ENKUR: variants seen among roughly 807,000 people sequenced by gnomAD.
The protein encoded by ENKUR is enkurin.
ENKUR carries 19 observed loss-of-function variants against 27.6 expected under a neutral mutation model. The observed-to-expected ratio is 0.69, with a 90% CI of 0.48 to 1.01. ENKUR has a LOEUF of 1.01. Ranked by LOEUF, ENKUR falls within the 50% of genes least tolerant of loss-of-function variation. ENKUR has a pLI of 0.00. For synonymous variants in ENKUR, 117 were observed against 96.9 expected, an observed-to-expected ratio of 1.21 and a Z score of -1.22; for missense variants, 312 against 310.5, an observed-to-expected ratio of 1.00 and a Z score of -0.04.
chr10:25,016,928 G>A (rs1322479067), upstream of ENKUR: 1 of 152,434 alleles, frequency 6.6e-6, no homozygotes, highest in African/African-American at 2.4e-5. Flanking sequence ...GCTGCTTCTG[G>A]TCGAGGCTCC....
At chr10:24,993,772 T>C (rs767112209) in intron 3 of ENKUR, among the ~76,000 whole-genome samples, 7 of 152,234 alleles carry the variant, frequency 4.6e-5, no homozygotes, top group Non-Finnish European at 1.0e-4. Flanking sequence ...TCTGTTTCCA[T>C]GATGGATACT....
chr10:24,995,961 A>G (rs1201290965), intron 2 of ENKUR, 92 bp from the exon 3 acceptor site: 2 of 1,020,266 alleles, frequency 2.0e-6, no homozygotes, highest in Non-Finnish European at 2.8e-6. Context: ...CCACTTGTAT[A>G]TTGAAGTTGC....
At chr10:25,034,175 G>A (rs1228081110) in intron 2 of ENKUR, among the ~76,000 whole-genome samples, 1 of 151,806 alleles carries the variant, frequency 6.6e-6, no homozygotes, top group African/African-American at 2.4e-5. Context: ...TTGTAATTTT[G>A]TGTTACAGAT....
chr10:25,060,207 C>T (rs1851310944), intron 2 of ENKUR, among the ~76,000 whole-genome samples: 1 of 152,060 alleles, frequency 6.6e-6, no homozygotes, highest in South Asian at 2.1e-4. Context: ...GAAGAAAACC[C>T]GAGGGTGACT....
chr10:25,050,617 T>A (rs1400452012), intron 2 of ENKUR, among the ~76,000 whole-genome samples: 1 of 152,070 alleles, frequency 6.6e-6, no homozygotes, highest in Non-Finnish European at 1.5e-5. Context: ...CATTTGAGAT[T>A]TGGGTGGGGA....
chr10:24,996,064 T>G (rs2132687524), intron 2 of ENKUR, among the ~76,000 whole-genome samples, 195 bp from the exon 3 acceptor site: 1 of 152,198 alleles, frequency 6.6e-6, no homozygotes, highest in South Asian at 2.1e-4. Flanking sequence ...GCTTTTTACC[T>G]GTCAATCAGG....
chr10:25,056,913 T>C (rs925231768), intron 2 of ENKUR, among the ~76,000 whole-genome samples: 4 of 152,180 alleles, frequency 2.6e-5, no homozygotes, highest in Admixed American at 1.3e-4. Context: ...ATTATGGAAG[T>C]GATCCAGGTA....
chr10:25,022,666 AAT>A (rs1850748247), intron 2 of ENKUR, among the ~76,000 whole-genome samples: 1 of 152,180 alleles, frequency 6.6e-6, no homozygotes, highest in Non-Finnish European at 1.5e-5. Flanking sequence ...ATTTATGAGT[AAT>A]ATAGTCTGTC....
In ENKUR at chr10:24,984,898, T is replaced by A. The variant is rs1011336892; in HGVS notation, c.602A>T (p.Lys201Ile). Residue 201 changes from lysine (K) to isoleucine (I), a missense_variant, in exon 5 of 6, where the codon AAA becomes ATA. Coordinates refer to ENST00000331161, the MANE Select transcript of ENKUR (RefSeq NM_145010.4). ...TTTATGCACCTCTTCCCAGTTCTTT[T>A]TCAGCCCCTGCAAATGGTCAAGAAA... ...EEREAVLQGL[K>I]KNWEEVHKEF... The A allele has an allele frequency of 1.2e-5, 19 of 1,611,750 alleles. No homozygotes were observed. The highest frequency in any genetic ancestry group is 1.6e-5 in the Non-Finnish European group (19 of 1,179,334).
chr10:24,995,520 G>A (rs923757760), intron 3 of ENKUR, 126 bp downstream of exon 3: 1 of 852,924 alleles, frequency 1.2e-6, no homozygotes, highest in Non-Finnish European at 1.8e-6. Flanking sequence ...GCAGAAGAAT[G>A]AGAATCAGCA....
intron 3 of ENKUR, among the ~76,000 whole-genome samples, chr10:24,991,654 T>A (rs564327096): frequency 2.6e-5 from 4 of 152,156 alleles, no homozygotes; most frequent in Non-Finnish European, 5.9e-5. Flanking sequence ...GGCTCTCCCA[T>A]CTGCTGAAGC....
At chr10:24,988,138 C>G (rs1849819676) in intron 4 of ENKUR, among the ~76,000 whole-genome samples, 1 of 150,986 alleles carries the variant, frequency 6.6e-6, no homozygotes, top group Admixed American at 6.6e-5. Context: ...GCATGAGAAT[C>G]ATTTGAACTT....
chr10:25,018,719 G>T (rs1435852379), upstream of ENKUR, among the ~76,000 whole-genome samples: 1 of 150,218 alleles, frequency 6.7e-6, no homozygotes, highest in Non-Finnish European at 1.5e-5. Context: ...AATAAAATGG[G>T]TGTAGATGAG....
At chr10:25,027,357 CAAAAAAAAAAAAAAAA>C (rs71399946) in intron 2 of ENKUR, among the ~76,000 whole-genome samples, 10 of 48,472 alleles carry the variant, frequency 2.1e-4, no homozygotes, top group Non-Finnish European at 3.5e-4. Flanking sequence ...ACTCCCGTCT[CAAAAAAAAAAAAAAAA>C]AAAAAAAAAA....
intron 2 of ENKUR, among the ~76,000 whole-genome samples, chr10:25,047,460 G>A (rs528348021): frequency 7.9e-5 from 12 of 152,270 alleles, no homozygotes; most frequent in Non-Finnish European, 1.6e-4. Flanking sequence ...GAGCTAACAA[G>A]TAAAGTGGAA....
At chr10:25,038,375 C>T (rs181704602) in intron 2 of ENKUR, among the ~76,000 whole-genome samples, 365 of 152,352 alleles carry the variant, frequency 2.4e-3, no homozygotes, top group Non-Finnish European at 4.1e-3. Context: ...CGTATCTCCA[C>T]TTATGATAAT....
At chr10:25,005,108 A>G (rs1850281821) in intron 1 of ENKUR, among the ~76,000 whole-genome samples, 1 of 151,950 alleles carries the variant, frequency 6.6e-6, no homozygotes, top group African/African-American at 2.4e-5. Context: ...ATTCTGTTCT[A>G]TTGATCTCTG....
At chr10:25,006,291 T>C (rs1850311566) in intron 1 of ENKUR, among the ~76,000 whole-genome samples, 1 of 152,206 alleles carries the variant, frequency 6.6e-6, no homozygotes, top group Admixed American at 6.5e-5. Context: ...AGATTTAATG[T>C]AGAAGTGCGG....
chr10:25,017,669 C>T (rs1850634832), upstream of ENKUR, among the ~76,000 whole-genome samples: 1 of 149,896 alleles, frequency 6.7e-6, no homozygotes, highest in Non-Finnish European at 1.5e-5. Flanking sequence ...GTCCCAGACG[C>T]TTAGGGAAAA....
Sources: allele counts gnomAD v4.1 joint callset (sites outside exome capture counted in the v4.1 genomes callset), GRCh38; gene constraint gnomAD v4.1.1; transcripts MANE v1.5; gene names NCBI Gene and HGNC (gene_info 2026-07-23, HGNC 2026-07-21).